The following IQSEC1 variants were observed in gnomAD, a reference collection of about 807,000 sequenced individuals.
The protein encoded by IQSEC1 is IQ motif and SEC7 domain-containing protein 1.
A neutral mutation model predicts 91.0 loss-of-function variants in IQSEC1; 31 were observed. The ratio of observed to expected loss-of-function variants is 0.34; its 90% CI spans 0.26 to 0.46. The LOEUF (loss-of-function observed/expected upper bound fraction) is 0.46. Ranked by LOEUF, IQSEC1 falls within the 20% of genes least tolerant of loss-of-function variation. The probability of loss-of-function intolerance (pLI) is 1.00; values close to 1 mark genes in which losing one functional copy is unlikely to be tolerated. For synonymous variants in IQSEC1, 699 were observed against 662.6 expected (o/e 1.05, Z -0.84); for missense variants, 1,388 against 1,575.6 (o/e 0.88, Z 2.02).
At chr3:13,112,225 C>T (rs1706258606) in intron 2 of IQSEC1, among the ~76,000 whole-genome samples, 1 of 152,224 alleles carries the variant, frequency 6.6e-6, no homozygotes, top group African/African-American at 2.4e-5. Context: ...GCTCTAAGTT[C>T]AACATTCACC....
chr3:13,075,234 T>A (rs460117), upstream of IQSEC1, among the ~76,000 whole-genome samples: 5 of 152,104 alleles, frequency 3.3e-5, no homozygotes, highest in African/African-American at 9.6e-5. Context: ...GCTCACTTTG[T>A]GTCAGGTCCA....
At position 12,908,624 on chromosome 3, in the gene IQSEC1, C is replaced by A; in HGVS notation, c.2579-99G>T. On this transcript the variant is annotated intron_variant, in intron 11 of 13. Coordinates refer to ENST00000613206, the MANE Select transcript of IQSEC1 (RefSeq NM_001134382.3). This position sits in a 1 kb window ranked among gnomAD's most constrained non-coding sequence, Gnocchi z 4.9. Reference sequence around the variant, plus strand: ...TGGAGCTAGCACTGTCCTGAGCCACCATCTGCTTGGAATGGGGAAGGGTTG... The same window carrying A: ...TGGAGCTAGCACTGTCCTGAGCCACAATCTGCTTGGAATGGGGAAGGGTTG... 7.7e-7 allele frequency: 1 copy of A among 1,303,312 alleles called. No homozygotes were observed. 80.7% of individuals were successfully genotyped at this position (1,303,312 alleles called of 1,614,324 possible). A position where few individuals can be genotyped will look rare whatever the true frequency, so the allele number is the denominator to read the frequency against.
chr3:13,017,553 C>T (rs1397753373), intron 1 of IQSEC1, among the ~76,000 whole-genome samples: 1 of 152,224 alleles, frequency 6.6e-6, no homozygotes, highest in African/African-American at 2.4e-5. Flanking sequence ...AACGCAAAGC[C>T]TTGGACTCAG....
At chr3:13,013,204 G>T (rs1411245836) in intron 1 of IQSEC1, among the ~76,000 whole-genome samples, 1 of 152,032 alleles carries the variant, frequency 6.6e-6, no homozygotes, top group Admixed American at 6.6e-5. Context: ...CAAGTGATCC[G>T]CCCGCCTTGG....
At chr3:12,981,661 A>T (rs1430595452) in intron 1 of IQSEC1, among the ~76,000 whole-genome samples, 3 of 152,238 alleles carry the variant, frequency 2.0e-5, no homozygotes, top group African/African-American at 7.2e-5. Context: ...TCTTTATCAT[A>T]AAGAATTGTG....
chr3:12,991,113 A>C (rs1422650032), intron 1 of IQSEC1, among the ~76,000 whole-genome samples: 1 of 152,308 alleles, frequency 6.6e-6, no homozygotes. Context: ...CTGGTATATT[A>C]CCAGGGGTCT....
intron 2 of IQSEC1, among the ~76,000 whole-genome samples, chr3:13,120,663 T>C (rs959323150): frequency 6.6e-6 from 1 of 152,224 alleles, no homozygotes; most frequent in Non-Finnish European, 1.5e-5. Flanking sequence ...CAAAGTGATC[T>C]GGTGCACCAA....
At chr3:13,208,333 G>A (rs551464738) in intron 1 of IQSEC1, among the ~76,000 whole-genome samples, 3 of 152,058 alleles carry the variant, frequency 2.0e-5, no homozygotes, top group Non-Finnish European at 2.9e-5. Context: ...GGGCCCTTCC[G>A]GATCAGGCCA....
intron 1 of IQSEC1, among the ~76,000 whole-genome samples, chr3:13,265,560 G>C (rs1276254444): frequency 6.6e-6 from 1 of 152,144 alleles, no homozygotes. Flanking sequence ...GCAGGAGTCT[G>C]GCAGTGGGCA....
chr3:13,099,048 G>C lies in IQSEC1; in HGVS notation c.303-51526C>G, dbSNP rs900033229. On this transcript the variant is annotated intron_variant, in intron 2 of 15. Transcript: ENST00000648114. ...GATAAGAGGACTTTCGGGGGATGGGGGGAACAGGCCGGGTGTCCCCAAAGA... is the reference window on the plus strand; with the variant it reads ...GATAAGAGGACTTTCGGGGGATGGGCGGAACAGGCCGGGTGTCCCCAAAGA... 3.9e-5 allele frequency among the ~76,000 whole-genome samples: 6 copies of C among 152,334 alleles called. No individual in the cohort carries two copies. In the East Asian group the frequency reaches 1.2e-3, roughly 29 times the overall value.
chr3:13,178,642 C>T (rs1246946728), intron 1 of IQSEC1, among the ~76,000 whole-genome samples: 1 of 152,174 alleles, frequency 6.6e-6, no homozygotes, highest in African/African-American at 2.4e-5. Flanking sequence ...TGGCAGGCAA[C>T]CTATGCACTC....
intron 1 of IQSEC1, among the ~76,000 whole-genome samples, chr3:13,174,333 G>T (rs1255593009): frequency 6.6e-6 from 1 of 152,158 alleles, no homozygotes; most frequent in Non-Finnish European, 1.5e-5. Context: ...GTCCACATTG[G>T]CTGCAGACCA....
intron 1 of IQSEC1, among the ~76,000 whole-genome samples, chr3:13,178,085 G>T (rs1422242394): frequency 6.6e-6 from 1 of 152,190 alleles, no homozygotes; most frequent in Admixed American, 6.5e-5. Context: ...GTTCTCCATG[G>T]GTCACAAGTC....
rs768900910 is a variant in IQSEC1 at position 13,097,280 on chromosome 3, C to T, written c.303-49758G>A. Among the ~76,000 whole-genome samples, 32 of 152,356 alleles carry T rather than the reference C, an allele frequency of 2.1e-4. 1 individual carries two copies. The highest frequency in any genetic ancestry group is 1.9e-3 in the East Asian group (10 of 5,186). ...GAGGGAAGGTACCTTGCCTCCCACA[C>T]GATTGGAAGAGCTGGGATTCGAATC... On this transcript the variant is annotated intron_variant, in intron 2 of 15. Coordinates refer to the IQSEC1 transcript ENST00000648114.
At chr3:12,927,147 C>T (rs181057775) in intron 3 of IQSEC1, among the ~76,000 whole-genome samples, 299 of 152,354 alleles carry the variant, frequency 2.0e-3, no homozygotes, top group African/African-American at 6.7e-3. Flanking sequence ...CCTCCCTCAG[C>T]TTCCAGGTGA....
intron 2 of IQSEC1, among the ~76,000 whole-genome samples, chr3:13,087,893 C>T (rs1389347964): frequency 6.6e-6 from 1 of 152,146 alleles, no homozygotes; most frequent in Non-Finnish European, 1.5e-5. Context: ...TTATCAGGGC[C>T]CGCTCCCAGG....
At chr3:13,212,661 C>T (rs1694468166) in intron 1 of IQSEC1, among the ~76,000 whole-genome samples, 1 of 152,226 alleles carries the variant, frequency 6.6e-6, no homozygotes, top group African/African-American at 2.4e-5. Context: ...TCTCCACGTC[C>T]TCATCTCCTC....
intron 2 of IQSEC1, among the ~76,000 whole-genome samples, chr3:13,152,120 G>C (rs1028373368): frequency 3.9e-5 from 6 of 152,200 alleles, no homozygotes; most frequent in African/African-American, 1.4e-4. Flanking sequence ...AATTGCAATA[G>C]TCAGAGTGGA....
chr3:13,180,921 C>T (rs1446906661), intron 1 of IQSEC1, among the ~76,000 whole-genome samples: 17 of 152,138 alleles, frequency 1.1e-4, no homozygotes, highest in Non-Finnish European at 1.5e-4. Flanking sequence ...CACGAGGGTC[C>T]GCGGCTTCAT....
Sources: allele counts gnomAD v4.1 joint callset (sites outside exome capture counted in the v4.1 genomes callset), GRCh38; gene constraint gnomAD v4.1.1; non-coding constraint Gnocchi (gnomAD v3.1); transcripts MANE v1.5; gene names NCBI Gene and HGNC (gene_info 2026-07-23, HGNC 2026-07-21).